ATP2B2: variants seen among roughly 807,000 people sequenced by gnomAD.
ATP2B2 encodes the protein plasma membrane calcium-transporting ATPase 2.
Under a neutral mutation model 120.0 loss-of-function variants are expected in ATP2B2, and 15 were observed. That is an observed-to-expected ratio of 0.12 (90% CI 0.08 to 0.19). The LOEUF is 0.19. Among genes scored for constraint, ATP2B2 ranks in the 10% least tolerant of loss-of-function variants. The pLI, the probability that ATP2B2 is intolerant of heterozygous loss-of-function variation, is 1.00. For synonymous variants in ATP2B2, 694 were observed against 700.3 expected (o/e 0.99, Z 0.14); for missense variants, 1,045 against 1,719.8 (o/e 0.61, Z 6.94).
intron 1 of ATP2B2, among the ~76,000 whole-genome samples, chr3:10,695,656 G>T (rs2071732174): frequency 1.3e-5 from 2 of 152,182 alleles, no homozygotes; most frequent in South Asian, 4.1e-4. Context: ...AAGTGAGAGA[G>T]CCCGCCAGGA....
chr3:10,431,555 C>T (rs1456412006), intron 2 of ATP2B2, among the ~76,000 whole-genome samples: 1 of 152,162 alleles, frequency 6.6e-6, no homozygotes, highest in Non-Finnish European at 1.5e-5. Context: ...CTGGAACCCC[C>T]GTTATCTCCT....
chr3:10,508,049 A>G (rs529264219), upstream of ATP2B2, among the ~76,000 whole-genome samples: 18 of 152,190 alleles, frequency 1.2e-4, no homozygotes, highest in Non-Finnish European at 1.3e-4. Context: ...ACCAACGCAC[A>G]CTAGCAGCCA....
At chr3:10,408,973 C>A (rs180821559) in intron 3 of ATP2B2, among the ~76,000 whole-genome samples, 1 of 152,080 alleles carries the variant, frequency 6.6e-6, no homozygotes, top group Admixed American at 6.5e-5. Flanking sequence ...CCTTAGCAAG[C>A]GATTTGCTGT....
chr3:10,520,836 A>G lies in ATP2B2; in HGVS notation c.-320+13203T>C, dbSNP rs554096093. Reference sequence around the variant, plus strand: ...TCTATTTTGATTTGTATTGGAACAAACTATATGGCATACGTGGCTTCGGCA... The same window carrying G: ...TCTATTTTGATTTGTATTGGAACAAGCTATATGGCATACGTGGCTTCGGCA... On this transcript the variant is annotated intron_variant, in intron 3 of 21. Transcript: ENST00000646379. Among the ~76,000 whole-genome samples, 15 of 151,976 alleles carry G rather than the reference A, an allele frequency of 9.9e-5. No homozygotes were observed. The South Asian group carries it at 3.1e-3, about 32-fold the overall frequency.
intron 5 of ATP2B2, among the ~76,000 whole-genome samples, chr3:10,390,793 C>A (rs1209874306): frequency 6.6e-6 from 1 of 152,128 alleles, no homozygotes; most frequent in African/African-American, 2.4e-5. Context: ...AGAATGAGCT[C>A]AGACATTGGC....
intron 1 of ATP2B2, among the ~76,000 whole-genome samples, chr3:10,700,535 AG>A (rs929492382): frequency 6.6e-6 from 1 of 152,214 alleles, no homozygotes; most frequent in African/African-American, 2.4e-5. Context: ...TAGGGAGACT[AG>A]CCATTACCTT....
chr3:10,686,043 CTTTTTTTTTT>C (rs34073958), intron 1 of ATP2B2, among the ~76,000 whole-genome samples: 3 of 93,224 alleles, frequency 3.2e-5, no homozygotes, highest in African/African-American at 1.2e-4. Flanking sequence ...TTCCTCCTTT[CTTTTTTTTTT>C]TTTTTTTTTT....
intron 1 of ATP2B2, among the ~76,000 whole-genome samples, chr3:10,645,083 G>A (rs1330930565): frequency 2.6e-5 from 4 of 152,090 alleles, no homozygotes; most frequent in African/African-American, 4.8e-5. Context: ...AAAATACTAC[G>A]TATGTCGGGG....
At chr3:10,625,772 T>C (rs1487561887) in intron 1 of ATP2B2, among the ~76,000 whole-genome samples, 2 of 152,292 alleles carry the variant, frequency 1.3e-5, no homozygotes, top group East Asian at 3.9e-4. Flanking sequence ...AGGCACACTC[T>C]GGGACACCTC....
intron 3 of ATP2B2, among the ~76,000 whole-genome samples, chr3:10,526,837 A>C (rs2067106213): frequency 6.6e-6 from 1 of 152,066 alleles, no homozygotes; most frequent in Admixed American, 6.5e-5. Flanking sequence ...AATAATAATA[A>C]CAATAATAGT....
chr3:10,393,819 T>C (rs1403912320), intron 5 of ATP2B2, among the ~76,000 whole-genome samples: 2 of 152,212 alleles, frequency 1.3e-5, no homozygotes, highest in East Asian at 3.9e-4. Flanking sequence ...CAGCAGAGAG[T>C]GGCCAGGACC....
chr3:10,506,292 G>A (rs2066624350), upstream of ATP2B2, among the ~76,000 whole-genome samples: 1 of 152,194 alleles, frequency 6.6e-6, no homozygotes, highest in East Asian at 1.9e-4. Flanking sequence ...GGGGGGGTGT[G>A]GTGGTGGGGG....
rs2060466910 is a variant in ATP2B2, at chr3:10,347,660, T to A, written c.2405-1523A>T. On this transcript the variant is annotated intron_variant, in intron 16 of 22. Coordinates refer to ENST00000360273, the MANE Select transcript of ATP2B2 (RefSeq NM_001001331.4). This position sits in a 1 kb window ranked among gnomAD's most constrained non-coding sequence, Gnocchi z 5.2. ...GTCCCCTTGGGACATTAGGCCTGAGTTTCCATAGTTCCCTCAGTCAGCCTG... is the reference window on the plus strand; with the variant it reads ...GTCCCCTTGGGACATTAGGCCTGAGATTCCATAGTTCCCTCAGTCAGCCTG... Among the ~76,000 whole-genome samples, 1 of 152,168 alleles carries A rather than the reference T, an allele frequency of 6.6e-6. No individual in the cohort carries two copies.
rs1316780861 is a variant in ATP2B2 at position 10,472,320 on chromosome 3, T to C, written c.-319-22458A>G. ...TGGTTCAGAAGCCCAAATGCAAAGA[T>C]GAGTTGGGTCTCAGGAGAGCCCAGT... is the stretch of plus-strand genomic sequence containing the variant. On this transcript the variant is annotated intron_variant, in intron 1 of 22. Transcript: ENST00000360273. 2.0e-5 allele frequency among the ~76,000 whole-genome samples: 3 copies of C among 151,716 alleles called. No individual in the cohort carries two copies. In the East Asian group the frequency reaches 5.8e-4, roughly 30 times the overall value.
intron 11 of ATP2B2, among the ~76,000 whole-genome samples, chr3:10,374,359 C>T (rs575649358): frequency 6.6e-6 from 1 of 152,272 alleles, no homozygotes; most frequent in South Asian, 2.1e-4. Flanking sequence ...ACGATAAGGG[C>T]CGTATTTGTT....
chr3:10,523,200 A>C (rs138800626), intron 3 of ATP2B2, among the ~76,000 whole-genome samples: 1 of 152,292 alleles, frequency 6.6e-6, no homozygotes, highest in East Asian at 1.9e-4. Flanking sequence ...GTACAAAGTG[A>C]GTTATGATTT....
At chr3:10,505,782 G>C (rs1220230200), upstream of ATP2B2, 3 of 137,838 alleles carry the variant, frequency 2.2e-5, no homozygotes, top group Admixed American at 2.1e-4. Flanking sequence ...GGGCACGGGG[G>C]AGGAGAGTGG....
At chr3:10,690,276 G>A (rs140578847) in intron 1 of ATP2B2, among the ~76,000 whole-genome samples, 12 of 152,278 alleles carry the variant, frequency 7.9e-5, no homozygotes, top group East Asian at 3.9e-4. Context: ...AATCCACTGC[G>A]CGGGCAGCCA....
intron 1 of ATP2B2, among the ~76,000 whole-genome samples, chr3:10,457,440 T>C (rs931517116): frequency 7.2e-5 from 11 of 152,044 alleles, no homozygotes; most frequent in African/African-American, 2.2e-4. Flanking sequence ...GTGACCGTGC[T>C]TTGTGTGTGG....
Sources: allele counts gnomAD v4.1 joint callset (sites outside exome capture counted in the v4.1 genomes callset), GRCh38; gene constraint gnomAD v4.1.1; non-coding constraint Gnocchi (gnomAD v3.1); transcripts MANE v1.5; gene names NCBI Gene and HGNC (gene_info 2026-07-23, HGNC 2026-07-21).